The following ZNF703 variants were observed in gnomAD, a reference collection of about 807,000 sequenced individuals.
The protein encoded by ZNF703 is NocA-like zinc finger 1.
A neutral mutation model predicts 30.7 loss-of-function variants in ZNF703; 18 were observed. The observed-to-expected ratio is 0.59, with a 90% CI of 0.40 to 0.87. The LOEUF (loss-of-function observed/expected upper bound fraction) is 0.87, where lower values mean the gene tolerates loss of function less well. Among genes scored for constraint, ZNF703 ranks in the 40% least tolerant of loss-of-function variants. ZNF703 has a pLI of 0.00. For synonymous variants in ZNF703, 457 were observed against 438.6 expected, an observed-to-expected ratio of 1.04 and a Z score of -0.52; for missense variants, 814 against 847.8, an observed-to-expected ratio of 0.96 and a Z score of 0.50.
At position 37,698,285 on chromosome 8, in the gene ZNF703, G is replaced by A; in HGVS notation, c.1384G>A (p.Ala462Thr). 6.5e-7 allele frequency: 1 copy of A among 1,539,822 alleles called. No homozygotes were observed. The highest frequency in any genetic ancestry group is 1.7e-4 in the Middle Eastern group (1 of 5,746). ...EPLPHSCNWV[A>T]ASGPCDKRFA... ...GCTGCCGCACAGCTGCAACTGGGTG[G>A]CAGCCAGTGGGCCGTGCGACAAGCG... Residue 462 changes from alanine to threonine, a missense_variant, in exon 2 of 2, where the codon GCA becomes ACA. Coordinates refer to ENST00000331569, the MANE Select transcript of ZNF703 (RefSeq NM_025069.3).
At position 37,698,310 on chromosome 8, in the gene ZNF703, G is replaced by A; in HGVS notation, c.1409G>A (p.Arg470His). Residue 470 changes from arginine to histidine, a missense_variant, in exon 2 of 2, where the codon CGC becomes CAC. Transcript: ENST00000331569. ...WVAASGPCDK[R>H]FATSEELLSH... ...GCAGCCAGTGGGCCGTGCGACAAGC[G>A]CTTCGCCACCTCGGAGGAGCTGCTC... The A allele has an allele frequency of 6.5e-7, 1 of 1,540,550 alleles. No individual in the cohort carries two copies. The highest frequency in any genetic ancestry group is 8.7e-7 in the Non-Finnish European group (1 of 1,145,542).
chr8:37,698,870 G>C lies in ZNF703; in HGVS notation c.*196G>C, dbSNP rs1037809808. 1.5e-4 allele frequency: 64 copies of C among 433,640 alleles called. No homozygotes were observed. Among genetic ancestry groups the C allele is most frequent in the African/African-American group, 1.1e-3 (55 of 48,912 alleles). 26.9% of individuals were successfully genotyped at this position (433,640 alleles called of 1,614,324 possible). On this transcript the variant is annotated 3_prime_UTR_variant, in exon 2 of 2. Coordinates refer to ENST00000331569, the MANE Select transcript of ZNF703 (RefSeq NM_025069.3). The stretch of plus-strand genomic sequence containing the variant: ...AGCTGGGAATATAAGTGCATTAACG[G>C]CCCACATGAGTCAATGGTATGCAAA...
At position 37,698,216 on chromosome 8, in the gene ZNF703, G is replaced by A. The variant is rs1218308120; in HGVS notation, c.1315G>A (p.Gly439Ser). Residue 439 changes from glycine to serine, a missense_variant, in exon 2 of 2, where the codon GGC becomes AGC. Gly to Ser is a moderately conservative substitution (Grantham distance 56). Coordinates refer to ENST00000331569, the MANE Select transcript of ZNF703 (RefSeq NM_025069.3). The part of the protein sequence containing the change: ...SSSAAQAALP[G>S]HPLYTYGFML... ...CAGCGCCGCCCAGGCCGCGCTCCCC[G>A]GCCACCCGCTCTACACCTACGGCTT... The A allele has an allele frequency of 3.3e-6, 5 of 1,522,084 alleles. No individual in the cohort carries two copies. The highest frequency in any genetic ancestry group is 2.9e-5 in the African/African-American group (2 of 69,470). The allele number at this position is 1,522,084 out of a possible 1,614,324, so 94.3% of individuals were successfully genotyped here.
At chr8:37,697,070 C>T (rs775391403) in intron 1 of ZNF703, 75 bp from the exon 2 acceptor site, 53 of 1,406,916 alleles carry the variant, frequency 3.8e-5, no homozygotes, top group Non-Finnish European at 4.6e-5. Context: ...CGCCCAGCTC[C>T]CCGGGCGCCC....
In ZNF703 at chr8:37,697,385, G is replaced by A. The variant is rs770524172; in HGVS notation, c.484G>A (p.Gly162Ser). ...SSFKPYSKGS[G>S]GGDSRKDSGS... ...CTTCAAGCCCTACTCCAAGGGCTCC[G>A]GCGGCGGCGACTCCCGCAAAGACAG... is the stretch of plus-strand genomic sequence containing the variant. The change falls in exon 2 of 2, where the codon GGC becomes AGC. Residue 162 changes from glycine to serine, a missense_variant. Gly to Ser is a moderately conservative substitution (Grantham distance 56, BLOSUM62 0). Coordinates refer to ENST00000331569, the MANE Select transcript of ZNF703 (RefSeq NM_025069.3). 5.8e-6 allele frequency: 9 copies of A among 1,551,782 alleles called. No individual in the cohort carries two copies. Among genetic ancestry groups the A allele is most frequent in the Non-Finnish European group, 7.8e-6 (9 of 1,149,566 alleles).
Position 37,696,088 on chromosome 8 carries a change from C to A in ZNF703, c.109C>A (p.Pro37Thr). ...GGTGCCGGCAGCGGTGTCCCTCTTG[C>A]CACCGGCGGACCCCCTGCGCCAGGC... ...PAVPAAVSLL[P>T]PADPLRQANR... Residue 37 changes from proline (P) to threonine (T), a missense_variant, in exon 1 of 2, where the codon CCA (proline) becomes ACA (threonine). By Grantham distance (38) the Pro-to-Thr change is conservative. Coordinates refer to ENST00000331569, the MANE Select transcript of ZNF703 (RefSeq NM_025069.3). This position sits in a 1 kb window ranked among gnomAD's most constrained non-coding sequence, Gnocchi z 8.2. The A allele has an allele frequency of 6.3e-7, 1 of 1,584,922 alleles. No individual in the cohort carries two copies. Among genetic ancestry groups the A allele is most frequent in the South Asian group, 1.1e-5 (1 of 88,054 alleles).
Position 37,697,444 on chromosome 8 carries a change from G to A in ZNF703, c.543G>A (p.Ser181=). 1.3e-6 allele frequency: 2 copies of A among 1,542,796 alleles called. No homozygotes were observed. The highest frequency in any genetic ancestry group is 1.2e-5 in the South Asian group (1 of 83,182). ...GSSSVSSTSS[S]SSSSPGDKAG... ...CCTCGGTGTCTTCCACCTCCTCCTC[G>A]TCCTCCTCGTCCCCGGGAGACAAGG... Residue 181 remains serine (S), a synonymous_variant, in exon 2 of 2, where the codon TCG becomes TCA. Coordinates refer to ENST00000331569, the MANE Select transcript of ZNF703 (RefSeq NM_025069.3).
rs573538977 is a variant in ZNF703, at chr8:37,697,672, C to G, written c.771C>G (p.Ala257=). The change falls in exon 2 of 2, where the codon GCC becomes GCG. Residue 257 remains alanine, a synonymous_variant. Coordinates refer to ENST00000331569, the MANE Select transcript of ZNF703 (RefSeq NM_025069.3). ...QEPKPSPEPA[A]VSRGGGGEPG... Reference sequence around the variant, plus strand: ...CCAAGCCCAGCCCGGAGCCGGCAGCCGTGAGCCGCGGCGGCGGTGGGGAGC... The same window carrying G: ...CCAAGCCCAGCCCGGAGCCGGCAGCGGTGAGCCGCGGCGGCGGTGGGGAGC... 6.3e-4 allele frequency: 836 copies of G among 1,333,482 alleles called. No individual in the cohort carries two copies. Among genetic ancestry groups the G allele is most frequent in the Admixed American group, 7.4e-4 (18 of 24,162 alleles). The allele number at this position is 1,333,482 out of a possible 1,614,324, so 82.6% of individuals were successfully genotyped here. A position where few individuals can be genotyped will look rare whatever the true frequency, so the allele number is the denominator to read the frequency against.
In ZNF703 at chr8:37,697,468, G is replaced by T; in HGVS notation, c.567G>T (p.Lys189Asn). The T allele has an allele frequency of 6.5e-7, 1 of 1,538,712 alleles. No individual in the cohort carries two copies. The change falls in exon 2 of 2, where the codon AAG becomes AAT. Residue 189 changes from lysine to asparagine, a missense_variant. Transcript: ENST00000331569. ...SSSSSSSPGD[K>N]AGFRVPSAAC... ...CGTCCTCCTCGTCCCCGGGAGACAAGGCGGGCTTCAGGGTCCCCAGCGCCG... is the reference window on the plus strand; with the variant it reads ...CGTCCTCCTCGTCCCCGGGAGACAATGCGGGCTTCAGGGTCCCCAGCGCCG...
rs1035567623 is a variant in ZNF703 at position 37,695,891 on chromosome 8, G to A, written c.-89G>A. 2 of 1,254,264 alleles carry A rather than the reference G, an allele frequency of 1.6e-6. No individual in the cohort carries two copies. Among genetic ancestry groups the A allele is most frequent in the South Asian group, 1.7e-5 (1 of 60,422 alleles). 77.7% of individuals were successfully genotyped at this position (1,254,264 alleles called of 1,614,324 possible). Reference sequence around the variant, plus strand: ...CAGCTCCCGCTGCACCGCGATCGACGCTGCGGAGCGAGCCCACCCGCCCCG... The same window carrying A: ...CAGCTCCCGCTGCACCGCGATCGACACTGCGGAGCGAGCCCACCCGCCCCG... On this transcript the variant is annotated 5_prime_UTR_variant, in exon 1 of 2. Transcript: ENST00000331569.
Position 37,697,320 on chromosome 8 carries a change from T to C in ZNF703, c.419T>C (p.Leu140Pro). The change falls in exon 2 of 2, where the codon CTG (leucine) becomes CCG (proline). Residue 140 changes from leucine (L) to proline (P), a missense_variant. Physicochemically the swap from Leu to Pro is moderately conservative, Grantham distance 98. Coordinates refer to ENST00000331569, the MANE Select transcript of ZNF703 (RefSeq NM_025069.3). ...APGAASAAAALKQLGDSPAED... is the reference protein window; with the variant it reads ...APGAASAAAAPKQLGDSPAED... The stretch of plus-strand genomic sequence containing the variant: ...GGCGCCGCCTCCGCAGCCGCGGCCC[T>C]GAAGCAGCTGGGGGACTCACCGGCC... The C allele has an allele frequency of 1.3e-6, 2 of 1,561,172 alleles. No homozygotes were observed. Among genetic ancestry groups the C allele is most frequent in the Non-Finnish European group, 1.7e-6 (2 of 1,154,936 alleles).
rs756759312 is a variant in ZNF703, at chr8:37,696,034, G to A, written c.55G>A (p.Gly19Ser). Residue 19 changes from glycine (G) to serine (S), a missense_variant, in exon 1 of 2, where the codon GGC (glycine) becomes AGC (serine). Transcript: ENST00000331569. This position sits in a 1 kb window ranked among gnomAD's most constrained non-coding sequence, Gnocchi z 8.2. ...AAGGACACCCGAAAGCAGCGGCAGC[G>A]GCAGCGGCGGCGGCGGGAAGAGGCC... is the stretch of plus-strand genomic sequence containing the variant. ...NPRTPESSGS[G>S]SGGGGKRPAV... 2.6e-6 allele frequency: 4 copies of A among 1,555,752 alleles called. No individual in the cohort carries two copies. The highest frequency in any genetic ancestry group is 2.6e-6 in the Non-Finnish European group (3 of 1,150,376).
Position 37,699,441 on chromosome 8 carries a change from C to G in ZNF703, c.*767C>G, listed in dbSNP as rs1367155841. The G allele has an allele frequency of 6.6e-6, 1 of 152,228 alleles. No homozygotes were observed. The allele number at this position is 152,228 out of a possible 1,614,324, so 9.4% of individuals were successfully genotyped here. A position where few individuals can be genotyped will look rare whatever the true frequency, so the allele number is the denominator to read the frequency against. On this transcript the variant is annotated 3_prime_UTR_variant, in exon 2 of 2. Transcript: ENST00000331569. Reference sequence around the variant, plus strand: ...TTGCTCCTCTACCTTGCTCTGAGCACGGAGAGCCCTGACCCCACCAGTAGG... The same window carrying G: ...TTGCTCCTCTACCTTGCTCTGAGCAGGGAGAGCCCTGACCCCACCAGTAGG...
At position 37,697,971 on chromosome 8, in the gene ZNF703, C is replaced by T; in HGVS notation, c.1070C>T (p.Pro357Leu). The stretch of plus-strand genomic sequence containing the variant: ...GGCCTGGGCCTGCCGCCGGGCAAGC[C>T]CCCCAGCTCCAGCCCGCTCACCGGG... The part of the protein sequence containing the change: ...SGGLGLPPGK[P>L]PSSSPLTGAS... Residue 357 changes from proline (P) to leucine (L), a missense_variant, in exon 2 of 2, where the codon CCC (proline) becomes CTC (leucine). Coordinates refer to ENST00000331569, the MANE Select transcript of ZNF703 (RefSeq NM_025069.3). The T allele has an allele frequency of 1.3e-6, 2 of 1,558,788 alleles. No individual in the cohort carries two copies. Among genetic ancestry groups the T allele is most frequent in the Non-Finnish European group, 1.7e-6 (2 of 1,158,868 alleles).
At position 37,697,705 on chromosome 8, in the gene ZNF703, G is replaced by A. The variant is rs1802095732; in HGVS notation, c.804G>A (p.Ala268=). Residue 268 remains alanine (A), a synonymous_variant, in exon 2 of 2, where the codon GCG becomes GCA. Transcript: ENST00000331569. ...VSRGGGGEPG[A]HGGAESGASG... ...GCGGCGGCGGTGGGGAGCCCGGGGC[G>A]CACGGTGGCGCCGAGTCCGGGGCCT... is the stretch of plus-strand genomic sequence containing the variant. 1 of 1,344,480 alleles carries A rather than the reference G, an allele frequency of 7.4e-7. No homozygotes were observed. The highest frequency in any genetic ancestry group is 9.5e-7 in the Non-Finnish European group (1 of 1,056,452). The allele number at this position is 1,344,480 out of a possible 1,614,324, so 83.3% of individuals were successfully genotyped here. A position where few individuals can be genotyped will look rare whatever the true frequency, so the allele number is the denominator to read the frequency against.
At position 37,698,293 on chromosome 8, in the gene ZNF703, T is replaced by C; in HGVS notation, c.1392T>C (p.Ser464=). The part of the protein sequence containing the change: ...LPHSCNWVAA[S]GPCDKRFATS... ...ACAGCTGCAACTGGGTGGCAGCCAG[T>C]GGGCCGTGCGACAAGCGCTTCGCCA... Residue 464 remains serine, a synonymous_variant, in exon 2 of 2, where the codon AGT becomes AGC. Coordinates refer to ENST00000331569, the MANE Select transcript of ZNF703 (RefSeq NM_025069.3). The C allele has an allele frequency of 1.3e-6, 2 of 1,539,922 alleles. No homozygotes were observed. Among genetic ancestry groups the C allele is most frequent in the Non-Finnish European group, 1.7e-6 (2 of 1,146,024 alleles).
chr8:37,698,330 C>A lies in ZNF703; in HGVS notation c.1429C>A (p.Leu477Met). 6.5e-7 allele frequency: 1 copy of A among 1,541,220 alleles called. No individual in the cohort carries two copies. Among genetic ancestry groups the A allele is most frequent in the Non-Finnish European group, 8.7e-7 (1 of 1,145,046 alleles). Reference sequence around the variant, plus strand: ...CAAGCGCTTCGCCACCTCGGAGGAGCTGCTCAGCCACCTACGGACCCACAC... The same window carrying A: ...CAAGCGCTTCGCCACCTCGGAGGAGATGCTCAGCCACCTACGGACCCACAC... ...CDKRFATSEE[L>M]LSHLRTHTAL... Residue 477 changes from leucine (L) to methionine (M), a missense_variant, in exon 2 of 2, where the codon CTG (leucine) becomes ATG (methionine). By Grantham distance (15) the Leu-to-Met change is conservative (BLOSUM62 2). Transcript: ENST00000331569.
chr8:37,698,668 C>CAG lies in ZNF703; in HGVS notation c.1767_1768insAG (p.Gln590SerfsTer64). On this transcript the variant is annotated frameshift_variant, in exon 2 of 2. Transcript: ENST00000331569. LOFTEE classifies it high-confidence loss of function. Reference sequence around the variant, plus strand: ...TAGCTTCAGCCTCGGCGCTGGGATACCAGTAACTACAGCTCTTCCTCCACC... The same window carrying CAG: ...TAGCTTCAGCCTCGGCGCTGGGATACAGCAGTAACTACAGCTCTTCCTCCACC... 2 of 1,453,288 alleles carry CAG rather than the reference C, an allele frequency of 1.4e-6. No homozygotes were observed. Among genetic ancestry groups the CAG allele is most frequent in the Non-Finnish European group, 1.8e-6 (2 of 1,100,464 alleles). 90.0% of individuals were successfully genotyped at this position (1,453,288 alleles called of 1,614,324 possible).
In ZNF703 at chr8:37,698,410, G is replaced by C. The variant is rs1316145233; in HGVS notation, c.1509G>C (p.Leu503=). Residue 503 remains leucine, a synonymous_variant, in exon 2 of 2, where the codon CTG becomes CTC. Transcript: ENST00000331569. ...CCGCCTACCCCGGGGCCTCGGGCCT[G>C]GGCAGCGCCGCCGCCGCCGCCGCCG... ...LLAAYPGASG[L]GSAAAAAAAA... 29 of 1,492,294 alleles carry C rather than the reference G, an allele frequency of 1.9e-5. No individual in the cohort carries two copies. The highest frequency in any genetic ancestry group is 1.8e-6 in the Non-Finnish European group (2 of 1,123,602). The allele number at this position is 1,492,294 out of a possible 1,614,324, so 92.4% of individuals were successfully genotyped here.
Sources: allele counts gnomAD v4.1 joint callset, GRCh38; gene constraint gnomAD v4.1.1; non-coding constraint Gnocchi (gnomAD v3.1); transcripts MANE v1.5; gene names NCBI Gene and HGNC (gene_info 2026-07-23, HGNC 2026-07-21).